The following C8B variants were observed in gnomAD, a reference collection of about 807,000 sequenced individuals.
The protein encoded by C8B is complement C8 beta chain.
C8B carries 67 observed loss-of-function variants against 64.6 expected under a neutral mutation model. That is an observed-to-expected ratio of 1.04 (90% CI 0.85 to 1.27). C8B has a LOEUF of 1.27. Among genes scored for constraint, C8B ranks in the 50% most tolerant of loss-of-function variants. The pLI is 0.00. For missense variants in C8B, 790 were observed against 725.2 expected (o/e 1.09, Z -1.03); for synonymous variants, 284 against 257.7 (o/e 1.10, Z -0.98).
chr1:56,957,376 A>G (rs1381680149), intron 2 of C8B, among the ~76,000 whole-genome samples: 14 of 152,232 alleles, frequency 9.2e-5, no homozygotes, highest in Admixed American at 7.2e-4. Flanking sequence ...TATAAATGCA[A>G]AAACATGGGC....
chr1:56,942,567 T>C (rs1214135300), intron 8 of C8B, among the ~76,000 whole-genome samples: 1 of 151,956 alleles, frequency 6.6e-6, no homozygotes, highest in Non-Finnish European at 1.5e-5. Context: ...TAGCCAGGCG[T>C]GGTGGCACAT....
intron 11 of C8B, among the ~76,000 whole-genome samples, chr1:56,929,851 T>A (rs1644673220): frequency 1.3e-5 from 2 of 152,116 alleles, no homozygotes; most frequent in South Asian, 4.1e-4. Flanking sequence ...CTTCTCTGAC[T>A]CCCCCAGTCC....
intron 9 of C8B, among the ~76,000 whole-genome samples, chr1:56,938,720 G>C (rs1644807794): frequency 6.6e-6 from 1 of 152,138 alleles, no homozygotes; most frequent in East Asian, 1.9e-4. Context: ...TGATCTTGAA[G>C]ACTGGTTTAC....
At position 56,941,455 on chromosome 1, in the gene C8B, TAGAC is replaced by T. The variant is rs534764233; in HGVS notation, c.1235-447_1235-444del. Among the ~76,000 whole-genome samples the T allele has an allele frequency of 2.8e-3, 428 of 151,522 alleles. 1 individual carries two copies. The highest frequency in any genetic ancestry group is 8.9e-3 in the African/African-American group (365 of 41,180). On this transcript the variant is annotated intron_variant, in intron 8 of 11. Transcript: ENST00000371237. ...GATAGATAATAGATTGATAGAAAGATAGACAGACAGATAAATAGATAGATAATAG... is the reference window on the plus strand; with the variant it reads ...GATAGATAATAGATTGATAGAAAGATAGACAGATAAATAGATAGATAATAG...
At chr1:56,932,862 T>C (rs894353701) in intron 10 of C8B, among the ~76,000 whole-genome samples, 5 of 152,134 alleles carry the variant, frequency 3.3e-5, no homozygotes, top group Non-Finnish European at 7.4e-5. Context: ...TGGCCTCTTT[T>C]TTAGAGTCTT....
chr1:56,959,640 A>G (rs1447295450), intron 2 of C8B: 10 of 1,534,902 alleles, frequency 6.5e-6, no homozygotes, highest in East Asian at 2.4e-5. Flanking sequence ...CTCGAAAACC[A>G]TGATCCTGGA....
In C8B at chr1:56,959,490, G is replaced by A. The variant is rs547080404; in HGVS notation, c.249+530C>T. The A allele has an allele frequency of 9.2e-6, 11 of 1,199,816 alleles. No homozygotes were observed. The African/African-American group carries it at 1.1e-4, about 11-fold the overall frequency. 74.3% of individuals were successfully genotyped at this position (1,199,816 alleles called of 1,614,324 possible). On this transcript the variant is annotated intron_variant, in intron 2 of 11. Coordinates refer to ENST00000371237, the MANE Select transcript of C8B (RefSeq NM_000066.4). ...GAGTAGGAGTTTCAAATTGTGAGTAGGTGTTCACCAGTGAAGGAAGTGGGA... is the reference window on the plus strand; with the variant it reads ...GAGTAGGAGTTTCAAATTGTGAGTAAGTGTTCACCAGTGAAGGAAGTGGGA...
intron 6 of C8B, among the ~76,000 whole-genome samples, chr1:56,946,352 A>G (rs1332826847): frequency 6.6e-6 from 1 of 152,184 alleles, no homozygotes; most frequent in African/African-American, 2.4e-5. Flanking sequence ...GCTGGAGGGC[A>G]TGGGACCTCT....
At chr1:56,955,020 A>C (rs962580098) in intron 3 of C8B, among the ~76,000 whole-genome samples, 193 bp from the exon 4 acceptor site, 2 of 152,176 alleles carry the variant, frequency 1.3e-5, no homozygotes, top group Non-Finnish European at 2.9e-5. Flanking sequence ...CTCCCTCAGC[A>C]GAAGAGGCCA....
At chr1:56,950,640 T>C (rs112240484) in intron 5 of C8B, among the ~76,000 whole-genome samples, 1 of 152,216 alleles carries the variant, frequency 6.6e-6, no homozygotes, top group African/African-American at 2.4e-5. Context: ...GGACATGGTC[T>C]ACAGCATGGC....
chr1:56,949,894 G>C, intron 5 of C8B, 142 bp from the exon 6 acceptor site: 1 of 681,970 alleles, frequency 1.5e-6, no homozygotes, highest in Middle Eastern at 3.9e-4. Context: ...GGGCCGATTT[G>C]TGTCCCCACC....
At position 56,929,498 on chromosome 1, in the gene C8B, C is replaced by A; in HGVS notation, c.1682G>T (p.Arg561Leu). 1 of 1,613,776 alleles carries A rather than the reference C, an allele frequency of 6.2e-7. No individual in the cohort carries two copies. The highest frequency in any genetic ancestry group is 8.5e-7 in the Non-Finnish European group (1 of 1,179,886). ...GTTACACTGCCTTTGTCTTGTCTTA[C>A]GTCTTCCAGAGCATGAAGACCAATT... ...WSNWSSCSGR[R>L]KTRQRQCNNP... is the part of the protein sequence containing the mutation. The change falls in exon 12 of 12, where the codon CGT (arginine) becomes CTT (leucine). Residue 561 changes from arginine to leucine, a missense_variant. By Grantham distance (102) the Arg-to-Leu change is moderately radical. Transcript: ENST00000371237.
At chr1:56,939,018 C>T (rs1243940152) in intron 9 of C8B, among the ~76,000 whole-genome samples, 1 of 152,212 alleles carries the variant, frequency 6.6e-6, no homozygotes, top group African/African-American at 2.4e-5. Context: ...ACTCCCAAAA[C>T]ATCTCTGATT....
intron 6 of C8B, among the ~76,000 whole-genome samples, chr1:56,947,755 C>A (rs1402515504): frequency 2.6e-5 from 4 of 151,480 alleles, no homozygotes; most frequent in African/African-American, 9.8e-5. Flanking sequence ...CATGGTGAAA[C>A]CCCGTCTCTA....
At chr1:56,941,421 G>T (rs1056158635) in intron 8 of C8B, among the ~76,000 whole-genome samples, 4 of 152,076 alleles carry the variant, frequency 2.6e-5, no homozygotes, top group Admixed American at 6.5e-5. Flanking sequence ...AGGTAGATAG[G>T]TGATAGGAGA....
intron 3 of C8B, 81 bp downstream of exon 3, chr1:56,956,688 T>C (rs1419320426): frequency 1.3e-6 from 2 of 1,509,018 alleles, no homozygotes; most frequent in Non-Finnish European, 1.8e-6. Flanking sequence ...TCTTGAGCAC[T>C]GGACATGGCC....
At chr1:56,959,517 A>G in intron 2 of C8B, 1 of 1,407,518 alleles carries the variant, frequency 7.1e-7, no homozygotes. Context: ...GAAGTGGGAA[A>G]TGTCATCCTA....
Position 56,945,895 on chromosome 1 carries a change from T to C in C8B, c.1031A>G (p.Tyr344Cys), listed in dbSNP as rs773539697. The C allele has an allele frequency of 6.2e-7, 1 of 1,614,004 alleles. No homozygotes were observed. The highest frequency in any genetic ancestry group is 8.5e-7 in the Non-Finnish European group (1 of 1,180,026). The change falls in exon 7 of 12, where the codon TAC (tyrosine) becomes TGC (cysteine). Residue 344 changes from tyrosine (Y) to cysteine (C), a missense_variant. By Grantham distance (194) the Tyr-to-Cys change is radical (BLOSUM62 -2). Coordinates refer to ENST00000371237, the MANE Select transcript of C8B (RefSeq NM_000066.4). ...GCCCCCAAGCACAGCCTCTGTGATGTAGTGGGTCCCAAAATCACGGAAGAG... is the reference window on the plus strand; with the variant it reads ...GCCCCCAAGCACAGCCTCTGTGATGCAGTGGGTCCCAAAATCACGGAAGAG... Reference protein sequence around the residue: ...RDLFRDFGTHYITEAVLGGIY... With the variant: ...RDLFRDFGTHCITEAVLGGIY...
At chr1:56,942,732 T>G (rs2101394474) in intron 8 of C8B, among the ~76,000 whole-genome samples, 1 of 151,630 alleles carries the variant, frequency 6.6e-6, no homozygotes, top group East Asian at 2.0e-4. Context: ...ATAAAACAGC[T>G]CCTCAAGTCT....
Sources: allele counts gnomAD v4.1 joint callset (sites outside exome capture counted in the v4.1 genomes callset), GRCh38; gene constraint gnomAD v4.1.1; transcripts MANE v1.5; gene names NCBI Gene and HGNC (gene_info 2026-07-23, HGNC 2026-07-21).